GRIN2A: variants seen among roughly 807,000 people sequenced by gnomAD.
GRIN2A encodes glutamate receptor ionotropic, NMDA 2A.
GRIN2A carries 22 observed loss-of-function variants against 113.4 expected under a neutral mutation model. That is an observed-to-expected ratio of 0.19 (90% confidence interval 0.14 to 0.28). GRIN2A has a LOEUF of 0.28. GRIN2A is among the 10% of genes least tolerant of loss of function. The pLI, the probability that GRIN2A is intolerant of heterozygous loss-of-function variation, is 1.00. For synonymous variants in GRIN2A, 827 were observed against 738.4 expected (o/e 1.12, Z -1.94); for missense variants, 1,502 against 1,887.0 (o/e 0.80, Z 3.78).
intron 2 of GRIN2A, among the ~76,000 whole-genome samples, chr16:10,042,381 G>T (rs1465821467): frequency 6.6e-6 from 1 of 151,946 alleles, no homozygotes; most frequent in Non-Finnish European, 1.5e-5. Flanking sequence ...ACTTCAAGCA[G>T]CCCCACGGAG....
chr16:10,162,207 C>A (rs545309634), intron 2 of GRIN2A, among the ~76,000 whole-genome samples: 5 of 152,252 alleles, frequency 3.3e-5, no homozygotes, highest in Admixed American at 2.0e-4. Context: ...TTCCTCAAAG[C>A]AGGAGCCTAG....
rs906672255 is a variant in GRIN2A, at chr16:9,761,682, C to T, written c.*1467G>A. 1.3e-5 allele frequency: 3 copies of T among 227,212 alleles called. No individual in the cohort carries two copies. The highest frequency in any genetic ancestry group is 5.7e-5 in the Admixed American group (1 of 17,544). 14.1% of individuals were successfully genotyped at this position (227,212 alleles called of 1,614,324 possible). ...GGCAGGCACTGTGCTAACAGGCTCC[C>T]CATGCATAAGTATTCCCCTCTCTGT... On this transcript the variant is annotated 3_prime_UTR_variant, in exon 13 of 13. Coordinates refer to ENST00000330684, the MANE Select transcript of GRIN2A (RefSeq NM_001134407.3).
intron 7 of GRIN2A, 121 bp downstream of exon 7, chr16:9,840,526 G>T: frequency 1.1e-6 from 1 of 935,108 alleles, no homozygotes. Context: ...AGCATCCTCT[G>T]AAATATGCTG....
chr16:9,860,179 G>A (rs540708313), intron 4 of GRIN2A, among the ~76,000 whole-genome samples: 81 of 152,170 alleles, frequency 5.3e-4, no homozygotes, highest in African/African-American at 1.8e-3. Flanking sequence ...ATATGAAACA[G>A]GCATGGTGGC....
At chr16:10,108,932 T>A (rs745551753) in intron 2 of GRIN2A, among the ~76,000 whole-genome samples, 1 of 149,112 alleles carries the variant, frequency 6.7e-6, no homozygotes, top group Non-Finnish European at 1.5e-5. Flanking sequence ...TCAGGAAACA[T>A]CCTTTCTGAG....
At chr16:9,960,054 AGAG>A (rs2045405087) in intron 2 of GRIN2A, among the ~76,000 whole-genome samples, 1 of 152,236 alleles carries the variant, frequency 6.6e-6, no homozygotes, top group African/African-American at 2.4e-5. Flanking sequence ...TATTAAAGGC[AGAG>A]ATGATGTGGC....
At position 9,760,263 on chromosome 16, in the gene GRIN2A, C is replaced by T. The variant is rs188578360; in HGVS notation, c.*2886G>A. 8.8e-6 allele frequency: 2 copies of T among 227,524 alleles called. No homozygotes were observed. The highest frequency in any genetic ancestry group is 2.2e-5 in the African/African-American group (1 of 45,116). The allele number at this position is 227,524 out of a possible 1,614,324, so 14.1% of individuals were successfully genotyped here. A position where few individuals can be genotyped will look rare whatever the true frequency, so the allele number is the denominator to read the frequency against. On this transcript the variant is annotated 3_prime_UTR_variant, in exon 13 of 13. Coordinates refer to ENST00000330684, the MANE Select transcript of GRIN2A (RefSeq NM_001134407.3). ...TTCTCATACTGTGGGTTCCATTTAC[C>T]ACTGGACGTTACATTCCTGATATTC...
At chr16:9,794,903 C>A (rs929852188) in intron 11 of GRIN2A, among the ~76,000 whole-genome samples, 1 of 131,440 alleles carries the variant, frequency 7.6e-6, no homozygotes, top group African/African-American at 3.3e-5. Flanking sequence ...TGTGCACGGG[C>A]AACTATGGTG....
rs146486393 is a variant in GRIN2A at position 10,032,890 on chromosome 16, A to G, written c.415-94339T>C. The stretch of plus-strand genomic sequence containing the variant: ...TCCTCACCCAATGGAGAGTTTCCTT[A>G]TCATTGTCCTTAACCAATGGAGAGT... On this transcript the variant is annotated intron_variant, in intron 2 of 12. Coordinates refer to ENST00000330684, the MANE Select transcript of GRIN2A (RefSeq NM_001134407.3). 1.5e-3 allele frequency among the ~76,000 whole-genome samples: 229 copies of G among 152,306 alleles called. 3 individuals carry two copies. The highest frequency in any genetic ancestry group is 5.4e-3 in the African/African-American group (224 of 41,570).
intron 10 of GRIN2A, among the ~76,000 whole-genome samples, chr16:9,818,439 G>A (rs528370586): frequency 1.3e-5 from 2 of 151,372 alleles, no homozygotes; most frequent in East Asian, 3.9e-4. Context: ...AAATTCAACA[G>A]CCATAAGCAA....
At chr16:9,952,085 G>A (rs1270323832) in intron 2 of GRIN2A, among the ~76,000 whole-genome samples, 1 of 152,100 alleles carries the variant, frequency 6.6e-6, no homozygotes, top group Non-Finnish European at 1.5e-5. Context: ...TTCACACTTT[G>A]TACCTGAGAA....
intron 10 of GRIN2A, among the ~76,000 whole-genome samples, chr16:9,804,261 G>C (rs893145558): frequency 5.3e-5 from 8 of 152,148 alleles, no homozygotes; most frequent in Admixed American, 1.3e-4. Flanking sequence ...CATTTGGAGG[G>C]GTTGAGCTGC....
At chr16:9,916,735 C>G (rs569764704) in intron 3 of GRIN2A, among the ~76,000 whole-genome samples, 1 of 152,274 alleles carries the variant, frequency 6.6e-6, no homozygotes, top group South Asian at 2.1e-4. Context: ...AGTTCCTCCC[C>G]GCCACCCACA....
intron 7 of GRIN2A, among the ~76,000 whole-genome samples, chr16:9,838,759 A>C (rs2042623550): frequency 6.6e-6 from 1 of 152,152 alleles, no homozygotes; most frequent in Admixed American, 6.5e-5. Context: ...AGCTTTTTCT[A>C]AGTTTGAGAT....
chr16:9,819,472 T>C (rs868740358), intron 10 of GRIN2A, among the ~76,000 whole-genome samples: 1 of 150,752 alleles, frequency 6.6e-6, no homozygotes, highest in African/African-American at 2.5e-5. Context: ...CAATAAGCTA[T>C]GATTACACTA....
chr16:9,764,992 G>T lies in GRIN2A; in HGVS notation c.2596-44C>A. 3 of 1,611,888 alleles carry T rather than the reference G, an allele frequency of 1.9e-6. No individual in the cohort carries two copies. In the South Asian group the frequency reaches 3.3e-5, roughly 18 times the overall value. On this transcript the variant is annotated intron_variant, in intron 12 of 12. Transcript: ENST00000330684. Reference sequence around the variant, plus strand: ...AAGCACTGTCAGCAGCAGCAGCAGTGAACATGAAACCACTTTGCACTTGAA... The same window carrying T: ...AAGCACTGTCAGCAGCAGCAGCAGTTAACATGAAACCACTTTGCACTTGAA...
chr16:9,998,529 T>C (rs939717378), intron 2 of GRIN2A, among the ~76,000 whole-genome samples: 2 of 152,204 alleles, frequency 1.3e-5, no homozygotes, highest in Non-Finnish European at 2.9e-5. Context: ...CTCTTTAAAA[T>C]GGTTAAAATA....
chr16:9,979,785 CTATA>C (rs71157796), intron 2 of GRIN2A, among the ~76,000 whole-genome samples: 62,669 of 122,238 alleles, frequency 0.51, 16,351 homozygotes, highest in East Asian at 0.67. Context: ...GACTATGGGA[CTATA>C]TATATATATA....
At chr16:10,129,358 G>T (rs920046683) in intron 2 of GRIN2A, among the ~76,000 whole-genome samples, 6 of 104,312 alleles carry the variant, frequency 5.8e-5, no homozygotes, top group Non-Finnish European at 1.2e-4. Flanking sequence ...ATGCTTTAAT[G>T]GGAGGAGTTT....
Sources: allele counts gnomAD v4.1 joint callset (sites outside exome capture counted in the v4.1 genomes callset), GRCh38; gene constraint gnomAD v4.1.1; transcripts MANE v1.5; gene names NCBI Gene and HGNC (gene_info 2026-07-23, HGNC 2026-07-21).